The following BCAS3 variants were observed in gnomAD, a reference collection of about 807,000 sequenced individuals.
BCAS3 encodes BCAS4/BCAS3 fusion.
BCAS3 carries 53 observed loss-of-function variants against 116.1 expected under a neutral mutation model. That is an observed-to-expected ratio of 0.46 (90% CI 0.37 to 0.57). The LOEUF (loss-of-function observed/expected upper bound fraction) is 0.57, where lower values mean the gene tolerates loss of function less well. Ranked by LOEUF, BCAS3 falls within the 20% of genes least tolerant of loss-of-function variation. BCAS3 has a pLI of 0.00. For missense variants in BCAS3, 917 were observed against 1,165.4 expected, an observed-to-expected ratio of 0.79 and a Z score of 3.10; for synonymous variants, 391 against 408.2, an observed-to-expected ratio of 0.96 and a Z score of 0.51.
intron 7 of BCAS3, among the ~76,000 whole-genome samples, chr17:60,828,312 A>T (rs886403919): frequency 1.3e-5 from 2 of 152,230 alleles, no homozygotes; most frequent in Non-Finnish European, 2.9e-5. Context: ...ATTATGTTAA[A>T]GACAAAAGTT....
intron 5 of BCAS3, among the ~76,000 whole-genome samples, chr17:60,710,793 T>A (rs1384453368): frequency 6.6e-6 from 1 of 151,094 alleles, no homozygotes; most frequent in Non-Finnish European, 1.5e-5. Flanking sequence ...AAGTTTGGTG[T>A]TCCATTCTGT....
At chr17:61,218,994 A>C (rs1308448329) in intron 22 of BCAS3, among the ~76,000 whole-genome samples, 1 of 152,206 alleles carries the variant, frequency 6.6e-6, no homozygotes, top group Non-Finnish European at 1.5e-5. Context: ...TTTTCAACAC[A>C]AGTAGTGTCA....
At chr17:61,260,448 A>G (rs966852621) in intron 22 of BCAS3, among the ~76,000 whole-genome samples, 1 of 152,240 alleles carries the variant, frequency 6.6e-6, no homozygotes, top group African/African-American at 2.4e-5. Flanking sequence ...TGAAATATGC[A>G]ATTTTACAAT....
rs2078834465 is a variant in BCAS3 at position 61,171,435 on chromosome 17, C to G, written c.2425+86871C>G. ...CATTTAGCAAGATGGTAGATTTAAA[C>G]TTGGCCATATCAAAAGTCATATTGA... On this transcript the variant is annotated intron_variant, in intron 22 of 23. Coordinates refer to ENST00000407086, the MANE Select transcript of BCAS3 (RefSeq NM_017679.5). This position sits in a 1 kb window ranked among gnomAD's most constrained non-coding sequence, Gnocchi z 4.1. Among the ~76,000 whole-genome samples the G allele has an allele frequency of 1.3e-5, 2 of 152,074 alleles. No homozygotes were observed.
chr17:60,997,524 C>T (rs1423758677), intron 15 of BCAS3, among the ~76,000 whole-genome samples: 1 of 152,078 alleles, frequency 6.6e-6, no homozygotes, highest in Non-Finnish European at 1.5e-5. Context: ...AGGAGAAAGG[C>T]AAAGGTAAGA....
chr17:60,894,959 G>A (rs1599506589), intron 10 of BCAS3, among the ~76,000 whole-genome samples: 1 of 152,012 alleles, frequency 6.6e-6, no homozygotes, highest in African/African-American at 2.4e-5. Context: ...TGTTGGTTTT[G>A]ATTTTCTAGC....
chr17:60,908,016 A>G (rs1381997094), intron 11 of BCAS3, among the ~76,000 whole-genome samples: 1 of 152,050 alleles, frequency 6.6e-6, no homozygotes, highest in Non-Finnish European at 1.5e-5. Flanking sequence ...TTTCTCTAAC[A>G]CCCCTGACTC....
intron 5 of BCAS3, among the ~76,000 whole-genome samples, chr17:60,727,673 A>G (rs1277414656): frequency 6.6e-6 from 1 of 152,186 alleles, no homozygotes; most frequent in East Asian, 1.9e-4. Flanking sequence ...CACATCGTGC[A>G]CAACCTCCCC....
chr17:60,724,765 A>T (rs2039650596), intron 5 of BCAS3, among the ~76,000 whole-genome samples: 1 of 148,912 alleles, frequency 6.7e-6, no homozygotes. Flanking sequence ...TGTTGTTTTT[A>T]CCTTTAGGTT....
At chr17:60,921,858 C>A (rs2059120864) in intron 12 of BCAS3, among the ~76,000 whole-genome samples, 1 of 151,494 alleles carries the variant, frequency 6.6e-6, no homozygotes, top group Non-Finnish European at 1.5e-5. Context: ...ATTAGAGTGG[C>A]CATAGTAATA....
At chr17:60,843,244 G>A (rs1373107208) in intron 7 of BCAS3, among the ~76,000 whole-genome samples, 1 of 146,746 alleles carries the variant, frequency 6.8e-6, no homozygotes, top group African/African-American at 2.5e-5. Context: ...TGAGACAGAG[G>A]CTTGCTCTGT....
rs2059339566 is a variant in BCAS3 at position 61,376,346 on chromosome 17, A to G, written c.2593+7852A>G. Reference sequence around the variant, plus strand: ...CCTTCACAGGGCCATCGTGGCTCATAGCCCCATAGGTCACATTCCCTGCTT... The same window carrying G: ...CCTTCACAGGGCCATCGTGGCTCATGGCCCCATAGGTCACATTCCCTGCTT... On this transcript the variant is annotated intron_variant, in intron 23 of 23. Transcript: ENST00000407086. This position sits in a 1 kb window ranked among gnomAD's most constrained non-coding sequence, Gnocchi z 4.5. Among the ~76,000 whole-genome samples, 1 of 152,186 alleles carries G rather than the reference A, an allele frequency of 6.6e-6. No homozygotes were observed. The highest frequency in any genetic ancestry group is 1.5e-5 in the Non-Finnish European group (1 of 68,024).
intron 4 of BCAS3, among the ~76,000 whole-genome samples, chr17:60,694,132 C>T (rs1303380585): frequency 4.6e-5 from 7 of 151,278 alleles, no homozygotes; most frequent in East Asian, 2.0e-4. Context: ...ATGATCTGCC[C>T]GCTTCGGCCT....
Position 60,868,560 on chromosome 17 carries a change from C to CT in BCAS3, c.477-10dup. 1 of 1,491,124 alleles carries CT rather than the reference C, an allele frequency of 6.7e-7. No individual in the cohort carries two copies. The highest frequency in any genetic ancestry group is 9.0e-7 in the Non-Finnish European group (1 of 1,115,192). The allele number at this position is 1,491,124 out of a possible 1,614,324, so 92.4% of individuals were successfully genotyped here. On this transcript the variant is annotated splice_polypyrimidine_tract_variant and intron_variant, in intron 7 of 23. Coordinates refer to ENST00000407086, the MANE Select transcript of BCAS3 (RefSeq NM_017679.5). ...TTTTAAAAAAATGACATTTTTCTTTCTTTTTTCTTTTTTAGCACAAGCCCA... is the reference window on the plus strand; with the variant it reads ...TTTTAAAAAAATGACATTTTTCTTTCTTTTTTTCTTTTTTAGCACAAGCCCA...
intron 22 of BCAS3, among the ~76,000 whole-genome samples, chr17:61,269,802 C>CTTTTT (rs775560445): frequency 1.4e-5 from 2 of 139,770 alleles, no homozygotes; most frequent in Admixed American, 7.2e-5. Flanking sequence ...TTCTTTCTTT[C>CTTTTT]TTTTTTTTTT....
At chr17:60,989,595 A>G (rs1260401727) in intron 14 of BCAS3, among the ~76,000 whole-genome samples, 1 of 152,162 alleles carries the variant, frequency 6.6e-6, no homozygotes, top group Non-Finnish European at 1.5e-5. Context: ...ACATCCTACA[A>G]GGCCATATGG....
In BCAS3 at chr17:61,244,246, T is replaced by G. The variant is rs149795311; in HGVS notation, c.2426-124081T>G. On this transcript the variant is annotated intron_variant, in intron 22 of 23. Coordinates refer to ENST00000407086, the MANE Select transcript of BCAS3 (RefSeq NM_017679.5). The surrounding 1 kb of genome is among the most constrained non-coding windows in gnomAD (Gnocchi z 4.9). ...TACCTACAGTTAACAACTATTAACA[T>G]TATGGTATTTATTAAGATTCTTCTA... 6.6e-6 allele frequency among the ~76,000 whole-genome samples: 1 copy of G among 152,322 alleles called. No individual in the cohort carries two copies. The highest frequency in any genetic ancestry group is 2.4e-5 in the African/African-American group (1 of 41,576).
intron 6 of BCAS3, among the ~76,000 whole-genome samples, chr17:60,780,980 T>A (rs1440395492): frequency 2.6e-5 from 4 of 152,116 alleles, no homozygotes; most frequent in Admixed American, 6.5e-5. Flanking sequence ...TTGCCATCTT[T>A]TTTTTTGAGA....
chr17:61,072,414 T>A (rs1375595946), intron 19 of BCAS3, among the ~76,000 whole-genome samples: 2 of 152,104 alleles, frequency 1.3e-5, no homozygotes, highest in Admixed American at 6.6e-5. Flanking sequence ...TTATCCCTAT[T>A]TTGATGATGG....
Sources: gnomAD v4.1 joint callset for allele counts (sites outside exome capture counted in the v4.1 genomes callset) on GRCh38, gnomAD v4.1.1 for gene constraint, Gnocchi (gnomAD v3.1) non-coding constraint, MANE v1.5 for transcripts, NCBI Gene and HGNC (gene_info 2026-07-23, HGNC 2026-07-21) for gene names.